Variants in ERI3 observed in about 807,000 individuals in gnomAD.
ERI3 encodes the protein ERI1 exoribonuclease 3.
In ERI3, 18 loss-of-function variants were observed where a neutral mutation model predicts 44.4. That is an observed-to-expected ratio of 0.41 (90% CI 0.28 to 0.60). The LOEUF (loss-of-function observed/expected upper bound fraction) is 0.60, where lower values mean the gene tolerates loss of function less well. Ranked by LOEUF, ERI3 falls within the 20% of genes least tolerant of loss-of-function variation. The probability of loss-of-function intolerance (pLI) is 0.36; values close to 1 mark genes in which losing one functional copy is unlikely to be tolerated. For missense variants in ERI3, 294 were observed against 435.5 expected (o/e 0.68, Z 2.89); for synonymous variants, 183 against 164.8 (o/e 1.11, Z -0.84).
chr1:44,290,503 T>A (rs929874006), intron 6 of ERI3, among the ~76,000 whole-genome samples: 1 of 152,154 alleles, frequency 6.6e-6, no homozygotes, highest in African/African-American at 2.4e-5. Flanking sequence ...ACTGCCACGA[T>A]TTCCTATGCT....
chr1:44,233,910 T>C (rs1012730198), intron 8 of ERI3, among the ~76,000 whole-genome samples: 1 of 152,204 alleles, frequency 6.6e-6, no homozygotes, highest in African/African-American at 2.4e-5. Flanking sequence ...CCAACACTGC[T>C]TTCTCTAATG....
At chr1:44,343,616 A>G (rs991182585) in intron 2 of ERI3, among the ~76,000 whole-genome samples, 2 of 152,218 alleles carry the variant, frequency 1.3e-5, no homozygotes, top group African/African-American at 4.8e-5. Flanking sequence ...TCTAAAGGAG[A>G]CTAGAGACTT....
chr1:44,261,640 C>A (rs533330132), intron 7 of ERI3, among the ~76,000 whole-genome samples: 1 of 152,382 alleles, frequency 6.6e-6, no homozygotes, highest in Admixed American at 6.5e-5. Flanking sequence ...CGGCTGCGCC[C>A]CGCTATGCGC....
rs183490205 is a variant in ERI3 at position 44,301,949 on chromosome 1, C to T, written c.758+6361G>A. On this transcript the variant is annotated intron_variant, in intron 6 of 8. Coordinates refer to ENST00000372257, the MANE Select transcript of ERI3 (RefSeq NM_024066.3). Reference sequence around the variant, plus strand: ...CTCATGCAAATATCACTAAATATGACTTTCAACTTCGCTTGTGCTTGGGAG... The same window carrying T: ...CTCATGCAAATATCACTAAATATGATTTTCAACTTCGCTTGTGCTTGGGAG... Among the ~76,000 whole-genome samples the T allele has an allele frequency of 1.6e-4, 25 of 152,360 alleles. No homozygotes were observed. In the East Asian group the frequency reaches 1.7e-3, roughly 11 times the overall value.
intron 6 of ERI3, among the ~76,000 whole-genome samples, chr1:44,304,137 G>A (rs566391239): frequency 6.6e-6 from 1 of 152,274 alleles, no homozygotes; most frequent in East Asian, 1.9e-4. Flanking sequence ...GGGGCCTATG[G>A]ACGTCTAGGT....
intron 8 of ERI3, among the ~76,000 whole-genome samples, chr1:44,227,205 T>A (rs536608017): frequency 6.6e-6 from 1 of 152,212 alleles, no homozygotes; most frequent in Non-Finnish European, 1.5e-5. Context: ...ACAGGCCTCC[T>A]GCCTGCAGAA....
intron 7 of ERI3, among the ~76,000 whole-genome samples, chr1:44,280,260 T>A (rs373860992): frequency 1.3e-5 from 2 of 152,384 alleles, no homozygotes; most frequent in African/African-American, 2.4e-5. Flanking sequence ...TATGTGTCAC[T>A]AACTGAATTT....
intron 7 of ERI3, 59 bp downstream of exon 7, chr1:44,284,776 G>T (rs1645357623): frequency 7.7e-7 from 1 of 1,294,374 alleles, no homozygotes; most frequent in East Asian, 2.3e-5. Flanking sequence ...GCAAAGGACG[G>T]GAGCTCTGAG....
chr1:44,248,507 G>A (rs1399380908), intron 7 of ERI3, among the ~76,000 whole-genome samples: 4 of 152,148 alleles, frequency 2.6e-5, no homozygotes, highest in African/African-American at 9.7e-5. Flanking sequence ...TCCACAGACA[G>A]AAATGTTGAA....
intron 7 of ERI3, among the ~76,000 whole-genome samples, chr1:44,261,872 A>G (rs768694025): frequency 2.0e-5 from 3 of 152,158 alleles, no homozygotes; most frequent in Non-Finnish European, 2.9e-5. Flanking sequence ...AGGGCTGGGA[A>G]TGGGTGTGGC....
chr1:44,337,154 AT>A (rs1646551653), intron 3 of ERI3, among the ~76,000 whole-genome samples: 1 of 152,246 alleles, frequency 6.6e-6, no homozygotes, highest in African/African-American at 2.4e-5. Context: ...GAGCTACATA[AT>A]TATCTGAGTT....
chr1:44,239,411 C>T (rs193109803), intron 8 of ERI3, among the ~76,000 whole-genome samples: 2 of 152,312 alleles, frequency 1.3e-5, no homozygotes, highest in Admixed American at 1.3e-4. Context: ...GTGAATGAAT[C>T]ACACCCTCAA....
At chr1:44,317,235 G>C (rs758420726) in intron 4 of ERI3, among the ~76,000 whole-genome samples, 1 of 152,152 alleles carries the variant, frequency 6.6e-6, no homozygotes, top group Non-Finnish European at 1.5e-5. Flanking sequence ...GTATAATCTG[G>C]AGGTTTGGGA....
Position 44,317,599 on chromosome 1 carries a change from T to C in ERI3, c.606+2029A>G, listed in dbSNP as rs554682269. Among the ~76,000 whole-genome samples the C allele has an allele frequency of 3.9e-5, 6 of 152,214 alleles. No individual in the cohort carries two copies. In the South Asian group the frequency reaches 1.0e-3, roughly 26 times the overall value. ...AATGATGGGATGGAGATGGATCAGG[T>C]CTAGTTTCTTCCCTCAAAGAACTTA... On this transcript the variant is annotated intron_variant, in intron 4 of 8. Transcript: ENST00000372257.
chr1:44,250,239 C>T (rs912512809), intron 7 of ERI3, among the ~76,000 whole-genome samples: 7 of 152,222 alleles, frequency 4.6e-5, no homozygotes, highest in Non-Finnish European at 1.0e-4. Flanking sequence ...CTTAAAGCGA[C>T]GGGCGGGCGG....
At chr1:44,320,987 T>C (rs1646189799) in intron 3 of ERI3, among the ~76,000 whole-genome samples, 1 of 152,042 alleles carries the variant, frequency 6.6e-6, no homozygotes, top group Non-Finnish European at 1.5e-5. Context: ...TCCAGTATCA[T>C]TAAAATCAAG....
chr1:44,254,022 T>C (rs967546699), intron 7 of ERI3, among the ~76,000 whole-genome samples: 56 of 152,346 alleles, frequency 3.7e-4, no homozygotes, highest in African/African-American at 1.3e-3. Context: ...CAACACTAAC[T>C]GGCAAGCCAA....
At chr1:44,354,072 C>A in intron 1 of ERI3, 1 of 985,418 alleles carries the variant, frequency 1.0e-6, no homozygotes, top group Non-Finnish European at 1.2e-6. Context: ...ATGATAAAGT[C>A]AGAATAAAGC....
At chr1:44,311,178 G>A (rs1286419026) in intron 5 of ERI3, among the ~76,000 whole-genome samples, 1 of 152,034 alleles carries the variant, frequency 6.6e-6, no homozygotes, top group Non-Finnish European at 1.5e-5. Flanking sequence ...CCCAACTCCT[G>A]CACAGTGAAA....
Sources: allele counts gnomAD v4.1 joint callset (sites outside exome capture counted in the v4.1 genomes callset), GRCh38; gene constraint gnomAD v4.1.1; transcripts MANE v1.5; gene names NCBI Gene and HGNC (gene_info 2026-07-23, HGNC 2026-07-21).